Variants in ZNF208 observed in about 807,000 individuals in gnomAD.
ZNF208 encodes zinc finger protein 95.
ZNF208 carries 10 observed loss-of-function variants against 12.1 expected under a neutral mutation model. The ratio of observed to expected loss-of-function variants is 0.83; its 90% CI spans 0.51 to 1.40. The LOEUF (loss-of-function observed/expected upper bound fraction) is 1.40. Ranked by LOEUF, ZNF208 falls within the 40% of genes most tolerant of loss-of-function variation. The pLI is 0.00. For missense variants in ZNF208, 1,652 were observed against 1,485.0 expected, an observed-to-expected ratio of 1.11 and a Z score of -1.85; for synonymous variants, 497 against 488.4, an observed-to-expected ratio of 1.02 and a Z score of -0.23.
chr19:22,008,399 T>A (rs1210647340), intron 1 of ZNF208, among the ~76,000 whole-genome samples: 1 of 151,942 alleles, frequency 6.6e-6, no homozygotes, highest in Non-Finnish European at 1.5e-5. Flanking sequence ...ATGTGTCAAG[T>A]CAGGCCATCC....
chr19:21,991,276 T>A (rs1970728854), intron 1 of ZNF208, among the ~76,000 whole-genome samples: 1 of 152,162 alleles, frequency 6.6e-6, no homozygotes, highest in African/African-American at 2.4e-5. Flanking sequence ...TTGAGATGCA[T>A]CCCATCAATA....
At chr19:21,941,985 G>T (rs1001014377) in intron 4 of ZNF208, among the ~76,000 whole-genome samples, 2 of 152,064 alleles carry the variant, frequency 1.3e-5, no homozygotes, top group African/African-American at 2.4e-5. Flanking sequence ...AGCAAACTAT[G>T]TTTATAATGT....
At chr19:22,007,730 G>T (rs914629915) in intron 1 of ZNF208, among the ~76,000 whole-genome samples, 24 of 151,102 alleles carry the variant, frequency 1.6e-4, no homozygotes, top group Admixed American at 1.5e-3. Context: ...CCGGGCACAG[G>T]GGCTCACACC....
rs1451604782 is a variant in ZNF208, at chr19:21,967,670, G to A, written c.*3521C>T. On this transcript the variant is annotated 3_prime_UTR_variant, in exon 4 of 4. Transcript: ENST00000397126. ...CAAAGGGCTGAGATGACAGGCATGAGCCACCATGCTTGGCCCAGATTTATT... is the reference window on the plus strand; with the variant it reads ...CAAAGGGCTGAGATGACAGGCATGAACCACCATGCTTGGCCCAGATTTATT... 1 of 152,146 alleles carries A rather than the reference G, an allele frequency of 6.6e-6. No individual in the cohort carries two copies. Among genetic ancestry groups the A allele is most frequent in the African/African-American group, 2.4e-5 (1 of 41,442 alleles). The allele number at this position is 152,146 out of a possible 1,614,324, so 9.4% of individuals were successfully genotyped here. A position where few individuals can be genotyped will look rare whatever the true frequency, so the allele number is the denominator to read the frequency against.
At position 21,973,427 on chromosome 19, in the gene ZNF208, G is replaced by A. The variant is rs879002932; in HGVS notation, c.1607C>T (p.Thr536Ile). Residue 536 changes from threonine to isoleucine, a missense_variant, in exon 4 of 4, where the codon ACA (threonine) becomes ATA (isoleucine). This residue lies in a region of ZNF208 where 1,239 missense variants were observed against 1,086.2 expected (regional missense o/e 1.14). Coordinates refer to ENST00000397126, the MANE Select transcript of ZNF208 (RefSeq NM_007153.3). ...CTTATGTTTAGTAAGGATTGAGAAT[G>A]TACTGAAGCTTTTGCCACATTCTTC... ...KCEECGKSFSTFSILTKHKVI... is the reference protein window; with the variant it reads ...KCEECGKSFSIFSILTKHKVI... The A allele has an allele frequency of 3.7e-6, 6 of 1,603,532 alleles. No homozygotes were observed. In the East Asian group the frequency reaches 6.8e-5, roughly 18 times the overall value.
chr19:21,990,110 G>A (rs1264226132), intron 1 of ZNF208, among the ~76,000 whole-genome samples: 14 of 152,000 alleles, frequency 9.2e-5, no homozygotes, highest in Non-Finnish European at 2.1e-4. Context: ...TGTCAATTTT[G>A]GCTTTTGTTG....
chr19:21,959,751 T>C (rs2145526306), intron 4 of ZNF208, among the ~76,000 whole-genome samples: 1 of 152,266 alleles, frequency 6.6e-6, no homozygotes, highest in Non-Finnish European at 1.5e-5. Flanking sequence ...AGAATAAAAA[T>C]GATGCAGTTG....
rs1239437118 is a variant in ZNF208 at position 21,945,015 on chromosome 19, C to T, written c.306-11778G>A. 1.1e-4 allele frequency among the ~76,000 whole-genome samples: 16 copies of T among 152,160 alleles called. 1 individual carries two copies. Among genetic ancestry groups the T allele is most frequent in the Admixed American group, 5.9e-4 (9 of 15,272 alleles). ...CATGCACATTTTGATTTTACCTTTC[C>T]TCAAACTGACCTTTTACTCATTATA... On this transcript the variant is annotated intron_variant, in intron 4 of 4. Transcript: ENST00000599916.
chr19:21,954,757 C>G (rs1281428670), intron 4 of ZNF208, among the ~76,000 whole-genome samples: 1 of 152,180 alleles, frequency 6.6e-6, no homozygotes, highest in Non-Finnish European at 1.5e-5. Flanking sequence ...TTCCTGAATA[C>G]AACACACTGA....
chr19:21,962,590 A>C (rs1970091843), downstream of ZNF208, among the ~76,000 whole-genome samples: 1 of 152,084 alleles, frequency 6.6e-6, no homozygotes, highest in South Asian at 2.1e-4. Flanking sequence ...CTAATTGATT[A>C]AAAAAGAGAT....
intron 3 of ZNF208, among the ~76,000 whole-genome samples, chr19:21,977,138 C>T (rs149876270): frequency 2.2e-4 from 33 of 152,170 alleles, no homozygotes; most frequent in African/African-American, 5.5e-4. Flanking sequence ...ACGTTGAATA[C>T]GTGTGTGTGT....
At chr19:21,988,669 T>C in intron 2 of ZNF208, 114 bp downstream of exon 2, 1 of 1,588,934 alleles carries the variant, frequency 6.3e-7, no homozygotes, top group Non-Finnish European at 8.6e-7. Flanking sequence ...AAATATACTC[T>C]TTTGTCTTTG....
rs751910938 is a variant in ZNF208, at chr19:21,970,651, G to C, written c.*540C>G. 4.9e-6 allele frequency: 5 copies of C among 1,026,140 alleles called. No individual in the cohort carries two copies. The highest frequency in any genetic ancestry group is 2.1e-4 in the Middle Eastern group (1 of 4,662). The allele number at this position is 1,026,140 out of a possible 1,614,324, so 63.6% of individuals were successfully genotyped here. ...AATTCTCTTATGTTCCATAAGGTTTGAGGACTGGTTGAAGCCTTTGCCACA... is the reference window on the plus strand; with the variant it reads ...AATTCTCTTATGTTCCATAAGGTTTCAGGACTGGTTGAAGCCTTTGCCACA... On this transcript the variant is annotated 3_prime_UTR_variant, in exon 4 of 4. Transcript: ENST00000397126.
chr19:21,943,337 GAAC>G (rs1361708628), intron 4 of ZNF208, among the ~76,000 whole-genome samples: 3 of 152,006 alleles, frequency 2.0e-5, no homozygotes, highest in Middle Eastern at 3.4e-3. Flanking sequence ...AAAATACACT[GAAC>G]AACAACAACA....
intron 2 of ZNF208, among the ~76,000 whole-genome samples, chr19:21,987,987 A>G (rs1970656758): frequency 6.6e-6 from 1 of 152,094 alleles, no homozygotes; most frequent in Non-Finnish European, 1.5e-5. Flanking sequence ...GACTTTCTGT[A>G]CCCTACAGGT....
Position 21,971,061 on chromosome 19 carries a change from T to A in ZNF208, c.*130A>T. On this transcript the variant is annotated 3_prime_UTR_variant, in exon 4 of 4. Transcript: ENST00000397126. Reference sequence around the variant, plus strand: ...CCAGTATGAATTCTCTTATGTTCCATAAGGTTTGAGGACCAGTTGAAAGCC... The same window carrying A: ...CCAGTATGAATTCTCTTATGTTCCAAAAGGTTTGAGGACCAGTTGAAAGCC... 6.2e-7 allele frequency: 1 copy of A among 1,612,008 alleles called. No individual in the cohort carries two copies. The highest frequency in any genetic ancestry group is 8.5e-7 in the Non-Finnish European group (1 of 1,178,512).
At position 21,973,109 on chromosome 19, in the gene ZNF208, C is replaced by A; in HGVS notation, c.1925G>T (p.Cys642Phe). Residue 642 changes from cysteine to phenylalanine, a missense_variant, in exon 4 of 4, where the codon TGT (cysteine) becomes TTT (phenylalanine). Cys to Phe is a radical substitution (Grantham distance 205). Coordinates refer to ENST00000397126, the MANE Select transcript of ZNF208 (RefSeq NM_007153.3). ...TGAGACCTTAATAAAGGTTTTGCCA[C>A]ATTCTTTACATTTGTAGGGCTTCTC... ...AGEKPYKCKE[C>F]GKTFIKVSTL... The A allele has an allele frequency of 6.2e-7, 1 of 1,613,402 alleles. No individual in the cohort carries two copies.
rs1169933180 is a variant in ZNF208 at position 21,999,195 on chromosome 19, A to AT, written c.4-10287dup. On this transcript the variant is annotated intron_variant, in intron 1 of 3. Transcript: ENST00000397126. ...AGATACAAATATGTAAGTATGAATA[A>AT]TTTTATGTACTACTCATAATGTATG... Among the ~76,000 whole-genome samples the AT allele has an allele frequency of 7.2e-5, 11 of 152,272 alleles. No homozygotes were observed. In the East Asian group the frequency reaches 2.1e-3, roughly 29 times the overall value.
At position 21,969,291 on chromosome 19, in the gene ZNF208, CTG is replaced by C. The variant is rs1568441354; in HGVS notation, c.*1898_*1899del. 1.3e-5 allele frequency among the ~76,000 whole-genome samples: 2 copies of C among 150,502 alleles called. No homozygotes were observed. Among genetic ancestry groups the C allele is most frequent in the African/African-American group, 4.9e-5 (2 of 40,910 alleles). On this transcript the variant is annotated 3_prime_UTR_variant, in exon 4 of 4. Transcript: ENST00000397126. ...CAATGTGTCTGGAAAAAAAAAAAAT[CTG>C]TGTTTTGAAGAAAAAAGTATACTTT...
Sources: gnomAD v4.1 joint callset for allele counts (sites outside exome capture counted in the v4.1 genomes callset) on GRCh38, gnomAD v4.1.1 for gene constraint, gnomAD v4.1.1 regional missense constraint, MANE v1.5 for transcripts, NCBI Gene and HGNC (gene_info 2026-07-23, HGNC 2026-07-21) for gene names.